The following DNAAF11 variants were observed in gnomAD, a reference collection of about 807,000 sequenced individuals.
The protein encoded by DNAAF11 is dynein axonemal assembly factor 11.
A neutral mutation model predicts 60.8 loss-of-function variants in DNAAF11; 45 were observed. That is an observed-to-expected ratio of 0.74 (90% CI 0.58 to 0.95). The LOEUF (loss-of-function observed/expected upper bound fraction) is 0.95. Ranked by LOEUF, DNAAF11 falls within the 40% of genes least tolerant of loss-of-function variation. The pLI is 0.00. For missense variants in DNAAF11, 546 were observed against 546.2 expected, an observed-to-expected ratio of 1.00 and a Z score of 0.00; for synonymous variants, 191 against 183.5, an observed-to-expected ratio of 1.04 and a Z score of -0.33.
At chr8:132,600,994 G>A (rs1374253219) in intron 10 of DNAAF11, among the ~76,000 whole-genome samples, 3 of 151,970 alleles carry the variant, frequency 2.0e-5, no homozygotes, top group Admixed American at 1.3e-4. Flanking sequence ...GCAACCTACA[G>A]AATGGGAAAA....
At chr8:132,613,990 C>T (rs1234193373) in intron 8 of DNAAF11, among the ~76,000 whole-genome samples, 1 of 152,162 alleles carries the variant, frequency 6.6e-6, no homozygotes, top group Non-Finnish European at 1.5e-5. Context: ...TTCATTCATT[C>T]TTGTGTTTAT....
intron 10 of DNAAF11, among the ~76,000 whole-genome samples, chr8:132,609,350 GAAA>G (rs530973490): frequency 8.6e-6 from 1 of 115,972 alleles, no homozygotes; most frequent in African/African-American, 3.1e-5. Context: ...CGGGAATCAA[GAAA>G]AAAAAAAAAA....
intron 3 of DNAAF11, among the ~76,000 whole-genome samples, chr8:132,649,561 AC>A (rs1822782640): frequency 6.6e-6 from 1 of 152,204 alleles, no homozygotes; most frequent in Non-Finnish European, 1.5e-5. Context: ...AAAAGAAACT[AC>A]CATCAGAGTG....
chr8:132,613,508 T>C (rs557831379), intron 8 of DNAAF11, among the ~76,000 whole-genome samples: 1 of 152,102 alleles, frequency 6.6e-6, no homozygotes, highest in Non-Finnish European at 1.5e-5. Flanking sequence ...AACAGATTAG[T>C]GGTTGCCATG....
At chr8:132,628,847 CTT>C (rs1563648596) in intron 5 of DNAAF11, among the ~76,000 whole-genome samples, 1 of 152,176 alleles carries the variant, frequency 6.6e-6, no homozygotes, top group Non-Finnish European at 1.5e-5. Flanking sequence ...ACCATTTTAA[CTT>C]TTGTAAATTT....
intron 3 of DNAAF11, among the ~76,000 whole-genome samples, chr8:132,648,422 T>C (rs963335012): frequency 6.6e-6 from 1 of 152,142 alleles, no homozygotes; most frequent in Non-Finnish European, 1.5e-5. Context: ...GGGCAAAAAC[T>C]GGAAGCATTC....
At chr8:132,645,340 A>G (rs1822268788) in intron 3 of DNAAF11, among the ~76,000 whole-genome samples, 1 of 152,216 alleles carries the variant, frequency 6.6e-6, no homozygotes, top group Non-Finnish European at 1.5e-5. Context: ...GTACGTCACC[A>G]TCATCAAAGA....
chr8:132,632,996 T>C (rs1246306959), intron 4 of DNAAF11, 33 bp from the exon 5 acceptor site: 1 of 1,489,062 alleles, frequency 6.7e-7, no homozygotes, highest in South Asian at 1.1e-5. Context: ...AGTACAATTG[T>C]TCAAAAGTAG....
rs530039690 is a variant in DNAAF11, at chr8:132,673,726, C to T, written c.10+1758G>A. On this transcript the variant is annotated intron_variant, in intron 1 of 11. Coordinates refer to ENST00000620350, the MANE Select transcript of DNAAF11 (RefSeq NM_012472.6). The stretch of plus-strand genomic sequence containing the variant: ...AGCACTGCTTCCTCAGAGAAGCCTC[C>T]ACCCACCTTGGGGTTAGGTCCCCTA... 3.3e-5 allele frequency among the ~76,000 whole-genome samples: 5 copies of T among 152,200 alleles called. No individual in the cohort carries two copies. The South Asian group carries it at 1.0e-3, about 32-fold the overall frequency.
At chr8:132,600,543 C>T (rs896419626) in intron 10 of DNAAF11, among the ~76,000 whole-genome samples, 5 of 152,174 alleles carry the variant, frequency 3.3e-5, no homozygotes, top group Admixed American at 3.3e-4. Flanking sequence ...GCTATAGTAA[C>T]CAAAACAGCA....
At chr8:132,575,843 C>T (rs964793046) in intron 11 of DNAAF11, among the ~76,000 whole-genome samples, 1 of 152,076 alleles carries the variant, frequency 6.6e-6, no homozygotes, top group Non-Finnish European at 1.5e-5. Context: ...GAGTGTCTGG[C>T]CCAGTCCAGT....
At chr8:132,639,539 T>A (rs903665141) in intron 3 of DNAAF11, among the ~76,000 whole-genome samples, 13 of 152,238 alleles carry the variant, frequency 8.5e-5, no homozygotes, top group Admixed American at 7.9e-4. Flanking sequence ...GATTGGTTCA[T>A]AGCTATGCAA....
At chr8:132,632,359 G>T (rs113178635) in intron 5 of DNAAF11, among the ~76,000 whole-genome samples, 318 of 152,252 alleles carry the variant, frequency 2.1e-3, no homozygotes, top group African/African-American at 7.2e-3. Context: ...TCAGAAAATA[G>T]AATGTTTTAT....
chr8:132,642,623 G>A (rs929460603), intron 3 of DNAAF11, among the ~76,000 whole-genome samples: 10 of 152,186 alleles, frequency 6.6e-5, no homozygotes, highest in Non-Finnish European at 8.8e-5. Flanking sequence ...CTGGAGAATC[G>A]TAAAGGCAGT....
intron 6 of DNAAF11, among the ~76,000 whole-genome samples, chr8:132,624,957 T>C (rs1022253470): frequency 2.6e-5 from 4 of 152,180 alleles, no homozygotes; most frequent in African/African-American, 9.7e-5. Flanking sequence ...AATGACCTTT[T>C]TCTAGGCTAG....
intron 1 of DNAAF11, among the ~76,000 whole-genome samples, chr8:132,671,811 A>T (rs1417192963): frequency 2.7e-5 from 4 of 146,022 alleles, no homozygotes; most frequent in Admixed American, 2.1e-4. Flanking sequence ...TTTCCATATT[A>T]AAAAAAAAAA....
chr8:132,692,554 C>G, the DNAAF11 span, among the ~76,000 whole-genome samples: 4 of 152,206 alleles, frequency 2.6e-5, no homozygotes, highest in Non-Finnish European at 5.9e-5. Flanking sequence ...GTGGTGAAGA[C>G]AAATGCACGC....
the DNAAF11 span, among the ~76,000 whole-genome samples, chr8:132,695,062 A>G: frequency 6.6e-6 from 1 of 152,236 alleles, no homozygotes; most frequent in Non-Finnish European, 1.5e-5. Context: ...AGAACTGACC[A>G]TTGGATTTAA....
Position 132,647,820 on chromosome 8 carries a change from T to C in DNAAF11, c.256+9010A>G, listed in dbSNP as rs184169312. Reference sequence around the variant, plus strand: ...ACCCCAAGACTAACCCAGGAAGAAGTTGAATCCCTGAATAGACCAATAACA... The same window carrying C: ...ACCCCAAGACTAACCCAGGAAGAAGCTGAATCCCTGAATAGACCAATAACA... On this transcript the variant is annotated intron_variant, in intron 3 of 11. Coordinates refer to ENST00000620350, the MANE Select transcript of DNAAF11 (RefSeq NM_012472.6). 3.9e-4 allele frequency among the ~76,000 whole-genome samples: 59 copies of C among 152,240 alleles called. 1 individual carries two copies. The highest frequency in any genetic ancestry group is 9.2e-4 in the African/African-American group (38 of 41,526).
Sources: gnomAD v4.1 joint callset for allele counts (sites outside exome capture counted in the v4.1 genomes callset) on GRCh38, gnomAD v4.1.1 for gene constraint, MANE v1.5 for transcripts, NCBI Gene and HGNC (gene_info 2026-07-23, HGNC 2026-07-21) for gene names.